Variants in CRACD observed in about 807,000 individuals in gnomAD.
CRACD encodes capping protein inhibiting regulator of actin dynamics, also known as capping protein-inhibiting regulator of actin dynamics.
In CRACD, 56 loss-of-function variants were observed where a neutral mutation model predicts 106.8. That is an observed-to-expected ratio of 0.52 (90% confidence interval 0.42 to 0.66). The LOEUF (loss-of-function observed/expected upper bound fraction) is 0.66, where lower values mean the gene tolerates loss of function less well. Among genes scored for constraint, CRACD ranks in the 30% least tolerant of loss-of-function variants. The probability of loss-of-function intolerance (pLI) is 0.00; values close to 1 mark genes in which losing one functional copy is unlikely to be tolerated. For missense variants in CRACD, 1,730 were observed against 1,623.2 expected (o/e 1.07, Z -1.13); for synonymous variants, 754 against 670.8 (o/e 1.12, Z -1.92).
At position 56,327,975 on chromosome 4, in the gene CRACD, G is replaced by T. The variant is rs920712440; in HGVS notation, c.*171G>T. 22 of 597,344 alleles carry T rather than the reference G, an allele frequency of 3.7e-5. No individual in the cohort carries two copies. In the South Asian group the frequency reaches 5.5e-4, roughly 15 times the overall value. The allele number at this position is 597,344 out of a possible 1,614,324, so 37.0% of individuals were successfully genotyped here. A position where few individuals can be genotyped will look rare whatever the true frequency, so the allele number is the denominator to read the frequency against. Reference sequence around the variant, plus strand: ...CTGGTGGTGTTCATTGTAAAGAGTGGATTTGCACAACCCTAGGTCCTGGTG... The same window carrying T: ...CTGGTGGTGTTCATTGTAAAGAGTGTATTTGCACAACCCTAGGTCCTGGTG... On this transcript the variant is annotated 3_prime_UTR_variant, in exon 11 of 11. Coordinates refer to ENST00000682029, the MANE Select transcript of CRACD (RefSeq NM_001393381.1).
intron 3 of CRACD, among the ~76,000 whole-genome samples, chr4:56,283,525 T>A (rs1237432577): frequency 6.6e-6 from 1 of 152,136 alleles, no homozygotes; most frequent in Non-Finnish European, 1.5e-5. Flanking sequence ...CCCCTCCCAC[T>A]GCAGCCTGGT....
At chr4:56,214,310 A>G (rs894003207) in intron 2 of CRACD, among the ~76,000 whole-genome samples, 1 of 152,200 alleles carries the variant, frequency 6.6e-6, no homozygotes, top group Non-Finnish European at 1.5e-5. Context: ...TTTAAAAAAT[A>G]TAGGCCGGGT....
chr4:56,265,164 C>T (rs1293063489), intron 2 of CRACD, among the ~76,000 whole-genome samples: 4 of 152,152 alleles, frequency 2.6e-5, no homozygotes, highest in African/African-American at 7.2e-5. Context: ...CTTGTGCATG[C>T]CAGTGTGTGT....
Position 56,316,245 on chromosome 4 carries a change from T to G in CRACD, c.2743T>G (p.Ser915Ala). 1 of 1,613,854 alleles carries G rather than the reference T, an allele frequency of 6.2e-7. No homozygotes were observed. Among genetic ancestry groups the G allele is most frequent in the Non-Finnish European group, 8.5e-7 (1 of 1,179,800 alleles). Residue 915 changes from serine to alanine, a missense_variant, in exon 8 of 11, where the codon TCC becomes GCC. This residue lies in a region of CRACD where 1,620 missense variants were observed against 1,481.6 expected (regional missense o/e 1.09). Transcript: ENST00000682029. ...CCCCCAAGAGCGGAAGCAAGCCCCT[T>G]CCACCCGGAGGGACTCCGCTGAACC... ...SLPQERKQAP[S>A]TRRDSAEPSS...
chr4:56,188,237 T>A (rs1334462342), intron 2 of CRACD, among the ~76,000 whole-genome samples: 2 of 152,224 alleles, frequency 1.3e-5, no homozygotes, highest in African/African-American at 4.8e-5. Flanking sequence ...TATTTTCATT[T>A]CTTTATGGTG....
intron 1 of CRACD, among the ~76,000 whole-genome samples, chr4:56,126,948 G>T (rs1455900813): frequency 6.6e-6 from 1 of 152,140 alleles, no homozygotes; most frequent in African/African-American, 2.4e-5. Flanking sequence ...TTGCTCTCCT[G>T]CTATGCTTTG....
intron 2 of CRACD, among the ~76,000 whole-genome samples, chr4:56,220,191 C>A (rs1409299455): frequency 1.3e-5 from 2 of 152,176 alleles, no homozygotes. Flanking sequence ...TGTTTTTCTG[C>A]AGCCAAATTC....
At chr4:56,242,492 G>A (rs1740421268) in intron 2 of CRACD, among the ~76,000 whole-genome samples, 1 of 152,166 alleles carries the variant, frequency 6.6e-6, no homozygotes, top group African/African-American at 2.4e-5. Flanking sequence ...ACACTAGGAG[G>A]CGTGTAGCCC....
intron 2 of CRACD, among the ~76,000 whole-genome samples, chr4:56,181,071 A>G (rs1210841589): frequency 6.6e-6 from 1 of 152,256 alleles, no homozygotes; most frequent in African/African-American, 2.4e-5. Flanking sequence ...ACATCAGTGC[A>G]TGGAGCTTAA....
intron 2 of CRACD, among the ~76,000 whole-genome samples, chr4:56,238,138 G>A (rs1170760276): frequency 1.3e-5 from 2 of 152,140 alleles, no homozygotes. Context: ...TCATGAATCT[G>A]TAGTCCAGAT....
At chr4:56,077,173 G>A (rs372017094) in intron 1 of CRACD, among the ~76,000 whole-genome samples, 1 of 152,196 alleles carries the variant, frequency 6.6e-6, no homozygotes, top group Non-Finnish European at 1.5e-5. Flanking sequence ...AGTTCCGCAT[G>A]GCTGGAGAGG....
chr4:56,190,759 A>G (rs763779557), intron 2 of CRACD, among the ~76,000 whole-genome samples: 3 of 152,162 alleles, frequency 2.0e-5, no homozygotes, highest in African/African-American at 4.8e-5. Flanking sequence ...TGGGATCTGG[A>G]GGACGTGGCC....
chr4:56,232,449 G>T (rs1293000794), intron 2 of CRACD, among the ~76,000 whole-genome samples: 2 of 152,064 alleles, frequency 1.3e-5, no homozygotes, highest in Non-Finnish European at 2.9e-5. Flanking sequence ...GAATATTCTA[G>T]ATGTCTTTCA....
At chr4:56,185,775 CT>C (rs112129434) in intron 2 of CRACD, among the ~76,000 whole-genome samples, 57 of 152,310 alleles carry the variant, frequency 3.7e-4, no homozygotes, top group Middle Eastern at 3.4e-3. Context: ...CTCCCCACCC[CT>C]GACTTATGTC....
At chr4:56,099,005 C>T (rs1733693227) in intron 1 of CRACD, among the ~76,000 whole-genome samples, 1 of 152,188 alleles carries the variant, frequency 6.6e-6, no homozygotes, top group Non-Finnish European at 1.5e-5. Flanking sequence ...CCAAGGTAAA[C>T]AGCATGAACT....
At position 56,084,017 on chromosome 4, in the gene CRACD, C is replaced by T. The variant is rs138441479; in HGVS notation, c.-336+34718C>T. ...GTATTTACTAGAAATCCACAAGAAC[C>T]TACAAATGAATTGATTCAACAGTGA... is the stretch of plus-strand genomic sequence containing the variant. On this transcript the variant is annotated intron_variant, in intron 1 of 10. Transcript: ENST00000682029. Among the ~76,000 whole-genome samples the T allele has an allele frequency of 2.0e-5, 3 of 152,174 alleles. No homozygotes were observed. In the East Asian group the frequency reaches 5.8e-4, roughly 29 times the overall value.
chr4:56,240,087 C>T (rs1740275622), intron 2 of CRACD, among the ~76,000 whole-genome samples: 1 of 151,880 alleles, frequency 6.6e-6, no homozygotes, highest in Admixed American at 6.6e-5. Flanking sequence ...ACATACTAGA[C>T]ACTGATAATA....
chr4:56,285,841 G>T (rs995600649), intron 3 of CRACD, among the ~76,000 whole-genome samples: 1 of 152,164 alleles, frequency 6.6e-6, no homozygotes, highest in African/African-American at 2.4e-5. Flanking sequence ...GGAAACTGAG[G>T]CACCTGGAGG....
rs1380139922 is a variant in CRACD, at chr4:56,314,159, A to G, written c.657A>G (p.Glu219=). The G allele has an allele frequency of 5.0e-6, 8 of 1,613,970 alleles. No individual in the cohort carries two copies. Among genetic ancestry groups the G allele is most frequent in the Non-Finnish European group, 6.8e-6 (8 of 1,179,978 alleles). The change falls in exon 8 of 11, where the codon GAA becomes GAG. Residue 219 remains glutamate, a synonymous_variant. Coordinates refer to ENST00000682029, the MANE Select transcript of CRACD (RefSeq NM_001393381.1). The surrounding 1 kb of genome is among the most constrained non-coding windows in gnomAD (Gnocchi z 4.4). ...EEEPNPLDSE[E]ERRRQEDYWR... Reference sequence around the variant, plus strand: ...AACCCAATCCGCTGGATTCCGAGGAAGAGAGAAGACGCCAAGAAGACTACT... The same window carrying G: ...AACCCAATCCGCTGGATTCCGAGGAGGAGAGAAGACGCCAAGAAGACTACT...
Sources: allele counts gnomAD v4.1 joint callset (sites outside exome capture counted in the v4.1 genomes callset), GRCh38; gene constraint gnomAD v4.1.1; regional missense constraint gnomAD v4.1.1; non-coding constraint Gnocchi (gnomAD v3.1); transcripts MANE v1.5; gene names NCBI Gene and HGNC (gene_info 2026-07-23, HGNC 2026-07-21).